The following NUP35 variants were observed in gnomAD, a reference collection of about 807,000 sequenced individuals.
NUP35 encodes the protein nucleoporin NUP35.
Under a neutral mutation model 41.5 loss-of-function variants are expected in NUP35, and 25 were observed. The ratio of observed to expected loss-of-function variants is 0.60; its 90% confidence interval spans 0.44 to 0.84. NUP35 has a LOEUF of 0.84. Among genes scored for constraint, NUP35 ranks in the 40% least tolerant of loss-of-function variants. The pLI, the probability that NUP35 is intolerant of heterozygous loss-of-function variation, is 0.00. For missense variants in NUP35, 396 were observed against 396.6 expected (o/e 1.00, Z 0.01); for synonymous variants, 149 against 130.7 (o/e 1.14, Z -0.96).
chr2:183,128,717 A>G (rs1362820779), intron 2 of NUP35, among the ~76,000 whole-genome samples: 1 of 152,188 alleles, frequency 6.6e-6, no homozygotes, highest in Admixed American at 6.5e-5. Flanking sequence ...CATGGGTGGG[A>G]CAAGCTTGTG....
chr2:183,157,647 T>C (rs576358864), intron 6 of NUP35, 134 bp downstream of exon 6: 5 of 629,060 alleles, frequency 7.9e-6, no homozygotes, highest in African/African-American at 1.8e-5. Flanking sequence ...TAATACATCC[T>C]TTGAAGTCTG....
At chr2:183,121,723 G>C (rs1323384027), upstream of NUP35, among the ~76,000 whole-genome samples, 3 of 151,852 alleles carry the variant, frequency 2.0e-5, no homozygotes, top group Admixed American at 2.0e-4. Context: ...TGTACTCCCA[G>C]CTACTCGGGA....
intron 4 of NUP35, among the ~76,000 whole-genome samples, chr2:183,145,526 T>C (rs1249670684): frequency 6.6e-6 from 1 of 152,214 alleles, no homozygotes; most frequent in Non-Finnish European, 1.5e-5. Context: ...TATAGGATGA[T>C]GTACTTTAGT....
In NUP35 at chr2:183,128,352, C is replaced by T. The variant is rs2105542100; in HGVS notation, c.106C>T (p.Pro36Ser). Residue 36 changes from proline to serine, a missense_variant, in exon 2 of 9, where the codon CCT becomes TCT. By Grantham distance (74) the Pro-to-Ser change is moderately conservative. Coordinates refer to ENST00000295119, the MANE Select transcript of NUP35 (RefSeq NM_138285.5). ...GCCAGGAGTTAATGCCCAGTTCTTA[C>T]CTGGATTTTTAATGGGGGATTTGCC... The part of the protein sequence containing the change: ...PKPGVNAQFL[P>S]GFLMGDLPAP... 2 of 1,613,996 alleles carry T rather than the reference C, an allele frequency of 1.2e-6. No homozygotes were observed. The highest frequency in any genetic ancestry group is 2.2e-5 in the East Asian group (1 of 44,864).
chr2:183,130,396 T>A lies in NUP35; in HGVS notation c.212-22T>A, dbSNP rs767459463. The stretch of plus-strand genomic sequence containing the variant: ...CCAAAAAGAAGAATCCCTTTTTTTT[T>A]TTTTTTTTTTGTACACTGTAGGTGG... On this transcript the variant is annotated intron_variant, in intron 2 of 8. Coordinates refer to ENST00000295119, the MANE Select transcript of NUP35 (RefSeq NM_138285.5). 7.3e-6 allele frequency: 10 copies of A among 1,370,926 alleles called. No individual in the cohort carries two copies. The South Asian group carries it at 7.9e-5, about 11-fold the overall frequency. The allele number at this position is 1,370,926 out of a possible 1,614,324, so 84.9% of individuals were successfully genotyped here. A position where few individuals can be genotyped will look rare whatever the true frequency, so the allele number is the denominator to read the frequency against.
At chr2:183,135,606 A>G (rs1223186244) in intron 4 of NUP35, among the ~76,000 whole-genome samples, 2 of 152,240 alleles carry the variant, frequency 1.3e-5, no homozygotes, top group Non-Finnish European at 2.9e-5. Context: ...ACTTGTAGCA[A>G]TCTAGGTGAG....
intron 4 of NUP35, among the ~76,000 whole-genome samples, chr2:183,134,407 G>A (rs1225194155): frequency 6.6e-6 from 1 of 151,996 alleles, no homozygotes; most frequent in East Asian, 1.9e-4. Context: ...AGGGGGGGAG[G>A]GGGTAGAGAC....
intron 1 of NUP35, among the ~76,000 whole-genome samples, chr2:183,126,075 C>T (rs181760966): frequency 6.6e-6 from 1 of 152,196 alleles, no homozygotes; most frequent in Non-Finnish European, 1.5e-5. Context: ...ACAGCCGTGT[C>T]ACCTGGGCTG....
chr2:183,121,077 A>G (rs1480429675), upstream of NUP35, among the ~76,000 whole-genome samples: 2 of 152,198 alleles, frequency 1.3e-5, no homozygotes, highest in Non-Finnish European at 2.9e-5. Flanking sequence ...CCAGAAAAGG[A>G]GTAGGAAGTT....
At chr2:183,133,890 C>A (rs944361256) in intron 4 of NUP35, among the ~76,000 whole-genome samples, 1 of 151,694 alleles carries the variant, frequency 6.6e-6, no homozygotes, top group Non-Finnish European at 1.5e-5. Context: ...ATCAAATCAC[C>A]CTAAAGGTAT....
intron 3 of NUP35, among the ~76,000 whole-genome samples, chr2:183,130,791 C>T: frequency 6.6e-6 from 1 of 152,130 alleles, no homozygotes; most frequent in Non-Finnish European, 1.5e-5. Flanking sequence ...TATGCCTTAT[C>T]CACCTGCCCA....
intron 6 of NUP35, among the ~76,000 whole-genome samples, chr2:183,157,894 CT>C (rs1361283616): frequency 1.3e-5 from 2 of 151,954 alleles, no homozygotes; most frequent in African/African-American, 4.8e-5. Context: ...CTTTATAGCT[CT>C]AAAATTTAAA....
In NUP35 at chr2:183,128,367, G is replaced by C; in HGVS notation, c.121G>C (p.Gly41Arg). The part of the protein sequence containing the change: ...NAQFLPGFLM[G>R]DLPAPVTPQP... ...CCAGTTCTTACCTGGATTTTTAATG[G>C]GGGATTTGCCAGCTCCGGTGACTCC... Residue 41 changes from glycine to arginine, a missense_variant, in exon 2 of 9, where the codon GGG becomes CGG. Coordinates refer to ENST00000295119, the MANE Select transcript of NUP35 (RefSeq NM_138285.5). 1.9e-6 allele frequency: 3 copies of C among 1,613,938 alleles called. No individual in the cohort carries two copies. The highest frequency in any genetic ancestry group is 2.5e-6 in the Non-Finnish European group (3 of 1,179,956).
rs1684805610 is a variant in NUP35 at position 183,134,378 on chromosome 2, G to A, written c.397+755G>A. ...GTTAGAAGGTATTACATTTTGTGGA[G>A]GAAAAAATTAAGCAGCAAAGGGGGG... On this transcript the variant is annotated intron_variant, in intron 4 of 8. Coordinates refer to ENST00000295119, the MANE Select transcript of NUP35 (RefSeq NM_138285.5). 2.0e-5 allele frequency among the ~76,000 whole-genome samples: 3 copies of A among 151,998 alleles called. No individual in the cohort carries two copies. In the South Asian group the frequency reaches 6.2e-4, roughly 32 times the overall value.
chr2:183,161,216 T>G lies in NUP35; in HGVS notation c.*85T>G. 1 of 896,384 alleles carries G rather than the reference T, an allele frequency of 1.1e-6. No homozygotes were observed. Among genetic ancestry groups the G allele is most frequent in the Non-Finnish European group, 1.8e-6 (1 of 567,624 alleles). 55.5% of individuals were successfully genotyped at this position (896,384 alleles called of 1,614,324 possible). On this transcript the variant is annotated 3_prime_UTR_variant, in exon 9 of 9. Transcript: ENST00000295119. Reference sequence around the variant, plus strand: ...CTTCGGTTAGTTATATAACTGTTCCTGCAGTATTGGATAGCTATCTCATAC... The same window carrying G: ...CTTCGGTTAGTTATATAACTGTTCCGGCAGTATTGGATAGCTATCTCATAC...
chr2:183,155,678 C>T (rs1056319261), intron 5 of NUP35, among the ~76,000 whole-genome samples: 3 of 150,910 alleles, frequency 2.0e-5, no homozygotes, highest in Non-Finnish European at 4.4e-5. Flanking sequence ...CTCAAGCAAT[C>T]CTTCTACCTC....
In NUP35 at chr2:183,151,760, A is replaced by G. The variant is rs1685475801; in HGVS notation, c.539+111A>G. On this transcript the variant is annotated intron_variant, in intron 5 of 8. Transcript: ENST00000295119. ...GAAGTGCATAGCAAACACCCATATT[A>G]CTACCACCTAGGTTCTATGGTTAAC... is the stretch of plus-strand genomic sequence containing the variant. 4.4e-6 allele frequency: 4 copies of G among 918,286 alleles called. No homozygotes were observed. The Admixed American group carries it at 9.8e-5, about 23-fold the overall frequency. The allele number at this position is 918,286 out of a possible 1,614,324, so 56.9% of individuals were successfully genotyped here.
At chr2:183,158,833 A>G (rs1685766984) in intron 7 of NUP35, among the ~76,000 whole-genome samples, 1 of 152,130 alleles carries the variant, frequency 6.6e-6, no homozygotes, top group South Asian at 2.1e-4. Flanking sequence ...TAAATGTCAA[A>G]GGTTTTCGTT....
At chr2:183,159,800 C>T (rs1685804656) in intron 8 of NUP35, 148 bp downstream of exon 8, 5 of 567,710 alleles carry the variant, frequency 8.8e-6, no homozygotes, top group Non-Finnish European at 1.4e-5. Context: ...TAAAAGTTTT[C>T]TGCTTTAAAG....
Sources: gnomAD v4.1 joint callset for allele counts (sites outside exome capture counted in the v4.1 genomes callset) on GRCh38, gnomAD v4.1.1 for gene constraint, MANE v1.5 for transcripts, NCBI Gene and HGNC (gene_info 2026-07-23, HGNC 2026-07-21) for gene names.